Variants in FAM120A observed in about 807,000 individuals in gnomAD.
FAM120A encodes the protein family with sequence similarity 120 member A.
A neutral mutation model predicts 109.7 loss-of-function variants in FAM120A; 15 were observed. That is an observed-to-expected ratio of 0.14 (90% CI 0.09 to 0.21). FAM120A has a LOEUF of 0.21. Among genes scored for constraint, FAM120A ranks in the 10% least tolerant of loss-of-function variants. The probability of loss-of-function intolerance (pLI) is 1.00; values close to 1 mark genes in which losing one functional copy is unlikely to be tolerated. For missense variants in FAM120A, 899 were observed against 1,439.3 expected, an observed-to-expected ratio of 0.62 and a Z score of 6.07; for synonymous variants, 493 against 572.8, an observed-to-expected ratio of 0.86 and a Z score of 1.99.
intron 11 of FAM120A, among the ~76,000 whole-genome samples, chr9:93,546,415 G>A (rs1442185976): frequency 2.0e-5 from 3 of 152,154 alleles, no homozygotes; most frequent in African/African-American, 4.8e-5. Context: ...ACTATAGGGG[G>A]CTAGGGTCAC....
intron 5 of FAM120A, among the ~76,000 whole-genome samples, chr9:93,507,671 T>C (rs1452260822): frequency 6.6e-6 from 1 of 152,032 alleles, no homozygotes; most frequent in African/African-American, 2.4e-5. Context: ...GCACAGTTGT[T>C]AGCAGCGCTG....
At chr9:93,453,759 G>A (rs1430230146) in intron 1 of FAM120A, among the ~76,000 whole-genome samples, 1 of 152,144 alleles carries the variant, frequency 6.6e-6, no homozygotes, top group Admixed American at 6.5e-5. Flanking sequence ...TTTCTGAATC[G>A]GAGCCTGGGG....
At chr9:93,534,164 GTCT>G (rs1422243298) in intron 10 of FAM120A, among the ~76,000 whole-genome samples, 5 of 152,192 alleles carry the variant, frequency 3.3e-5, no homozygotes, top group Non-Finnish European at 7.3e-5. Context: ...AGGTTGGGAG[GTCT>G]CCGTCTGGGC....
intron 5 of FAM120A, among the ~76,000 whole-genome samples, chr9:93,503,935 G>A (rs1224665166): frequency 6.6e-6 from 1 of 152,090 alleles, no homozygotes; most frequent in Admixed American, 6.6e-5. Flanking sequence ...AAATAAGAGA[G>A]GAGTTACCGT....
At chr9:93,558,115 G>A (rs749868989) in intron 14 of FAM120A, 105 bp downstream of exon 14, 31 of 1,215,776 alleles carry the variant, frequency 2.5e-5, no homozygotes, top group Non-Finnish European at 3.4e-5. Context: ...CCTTGTCACT[G>A]TTGGTCTTGG....
chr9:93,541,125 A>G (rs1408025157), intron 10 of FAM120A, among the ~76,000 whole-genome samples: 1 of 151,674 alleles, frequency 6.6e-6, no homozygotes, highest in African/African-American at 2.4e-5. Flanking sequence ...TGTGTGAAAT[A>G]TGTGATGTGT....
At chr9:93,523,347 A>C (rs1192816411) in intron 7 of FAM120A, 1 of 1,288,482 alleles carries the variant, frequency 7.8e-7, no homozygotes, top group African/African-American at 1.5e-5. Flanking sequence ...GCTCTGCTCC[A>C]GGATCCTGAG....
At chr9:93,550,848 G>A (rs1379069493) in intron 12 of FAM120A, among the ~76,000 whole-genome samples, 157 bp downstream of exon 12, 2 of 152,136 alleles carry the variant, frequency 1.3e-5, no homozygotes, top group Admixed American at 6.5e-5. Flanking sequence ...TTGATCAATC[G>A]CCTTCATGGC....
At chr9:93,495,819 A>G (rs1030196851) in intron 3 of FAM120A, among the ~76,000 whole-genome samples, 3 of 152,174 alleles carry the variant, frequency 2.0e-5, no homozygotes, top group African/African-American at 4.8e-5. Context: ...TCTTCCTTTC[A>G]TGAAAGATTT....
At chr9:93,497,346 C>A in intron 3 of FAM120A, 125 bp from the exon 4 acceptor site, 1 of 1,222,860 alleles carries the variant, frequency 8.2e-7, no homozygotes. Flanking sequence ...TACAAGTGGA[C>A]AATCATTGGG....
At position 93,557,888 on chromosome 9, in the gene FAM120A, C is replaced by T; in HGVS notation, c.2546C>T (p.Ser849Phe). ...AGCGTCCTCGAGGGGCTCAGCTTCT[C>T]CAGGCAGAGCCACACGCTCCCTTTC... ...RQSVLEGLSF[S>F]RQSHTLPFPP... The change falls in exon 14 of 18, where the codon TCC (serine) becomes TTC (phenylalanine). Residue 849 changes from serine to phenylalanine, a missense_variant. Around this residue, in one of 11 missense-constraint regions of FAM120A, gnomAD observed 129 missense variants for 153.4 expected, o/e 0.84. Coordinates refer to ENST00000277165, the MANE Select transcript of FAM120A (RefSeq NM_014612.5). The T allele has an allele frequency of 6.2e-7, 1 of 1,613,290 alleles. No individual in the cohort carries two copies. The highest frequency in any genetic ancestry group is 1.1e-5 in the South Asian group (1 of 91,068).
rs985244060 is a variant in FAM120A, at chr9:93,500,685, AGGG to A, written c.1030+1802_1030+1804del. Among the ~76,000 whole-genome samples, 1 of 152,224 alleles carries A rather than the reference AGGG, an allele frequency of 6.6e-6. No individual in the cohort carries two copies. Among genetic ancestry groups the A allele is most frequent in the Non-Finnish European group, 1.5e-5 (1 of 68,032 alleles). ...TGTGTTTTAGGATTATTTTTGGAAAAGGGGGCACAGAGCATCAGCAGGAGGGAG... is the reference window on the plus strand; with the variant it reads ...TGTGTTTTAGGATTATTTTTGGAAAAGGCACAGAGCATCAGCAGGAGGGAG... On this transcript the variant is annotated intron_variant, in intron 5 of 17. Coordinates refer to ENST00000277165, the MANE Select transcript of FAM120A (RefSeq NM_014612.5). This position sits in a 1 kb window ranked among gnomAD's most constrained non-coding sequence, Gnocchi z 4.6.
chr9:93,557,794 T>G, intron 13 of FAM120A, 33 bp from the exon 14 acceptor site: 1 of 1,596,280 alleles, frequency 6.3e-7, no homozygotes, highest in Non-Finnish European at 8.6e-7. Context: ...CCCCTGTGGA[T>G]GGCATTTTCA....
intron 11 of FAM120A, among the ~76,000 whole-genome samples, chr9:93,547,075 C>T (rs1261347079): frequency 6.6e-6 from 1 of 152,128 alleles, no homozygotes; most frequent in Non-Finnish European, 1.5e-5. Context: ...TCTCTAGAAT[C>T]CCTGATAGCA....
chr9:93,525,408 C>T (rs1031020988), intron 7 of FAM120A, among the ~76,000 whole-genome samples: 1 of 152,070 alleles, frequency 6.6e-6, no homozygotes, highest in African/African-American at 2.4e-5. Context: ...TCCAAGAGCC[C>T]CAGACACTCT....
intron 1 of FAM120A, among the ~76,000 whole-genome samples, chr9:93,461,961 C>G (rs1857809076): frequency 6.6e-6 from 1 of 152,128 alleles, no homozygotes; most frequent in Non-Finnish European, 1.5e-5. Flanking sequence ...ATTGAATAAC[C>G]ATTGAACCAG....
At chr9:93,561,454 G>C (rs1196277258) in intron 16 of FAM120A, among the ~76,000 whole-genome samples, 1 of 152,048 alleles carries the variant, frequency 6.6e-6, no homozygotes, top group East Asian at 1.9e-4. Context: ...GAGTGCAGTG[G>C]CACAATCACA....
intron 3 of FAM120A, among the ~76,000 whole-genome samples, chr9:93,495,260 T>C (rs1162233865): frequency 1.3e-5 from 2 of 152,212 alleles, no homozygotes; most frequent in Non-Finnish European, 2.9e-5. Flanking sequence ...ATTAATACAG[T>C]ACTATACATA....
At chr9:93,529,056 C>T (rs778172548) in intron 8 of FAM120A, among the ~76,000 whole-genome samples, 31 of 152,150 alleles carry the variant, frequency 2.0e-4, no homozygotes, top group Non-Finnish European at 3.7e-4. Flanking sequence ...AGCACCCTGC[C>T]GTATCTGCAG....
Sources: gnomAD v4.1 joint callset for allele counts (sites outside exome capture counted in the v4.1 genomes callset) on GRCh38, gnomAD v4.1.1 for gene constraint, gnomAD v4.1.1 regional missense constraint, Gnocchi (gnomAD v3.1) non-coding constraint, MANE v1.5 for transcripts, NCBI Gene and HGNC (gene_info 2026-07-23, HGNC 2026-07-21) for gene names.